The following LRRC3B variants were observed in gnomAD, a reference collection of about 807,000 sequenced individuals.
The protein encoded by LRRC3B is leucine-rich repeat-containing protein 3B.
A neutral mutation model predicts 12.8 loss-of-function variants in LRRC3B; 2 were observed. The ratio of observed to expected loss-of-function variants is 0.16; its 90% CI spans 0.06 to 0.49. LRRC3B has a LOEUF of 0.49. Among genes scored for constraint, LRRC3B ranks in the 20% least tolerant of loss-of-function variants. The pLI is 0.96. For synonymous variants in LRRC3B, 132 were observed against 122.0 expected, an observed-to-expected ratio of 1.08 and a Z score of -0.54; for missense variants, 189 against 319.4, an observed-to-expected ratio of 0.59 and a Z score of 3.11.
chr3:26,675,928 C>G (rs1361992575), intron 1 of LRRC3B, among the ~76,000 whole-genome samples: 1 of 150,166 alleles, frequency 6.7e-6, no homozygotes, highest in Non-Finnish European at 1.5e-5. Flanking sequence ...CTGACATCAT[C>G]CTTCATTCAT....
chr3:26,626,892 G>T (rs1586716), intron 1 of LRRC3B, among the ~76,000 whole-genome samples: 99,343 of 152,028 alleles, frequency 0.65, 34,449 homozygotes, highest in East Asian at 0.85. Flanking sequence ...TCATCCTTCT[G>T]CACTCCCAGG....
At chr3:26,677,770 T>G (rs1699890357) in intron 1 of LRRC3B, among the ~76,000 whole-genome samples, 1 of 148,266 alleles carries the variant, frequency 6.7e-6, no homozygotes, top group South Asian at 2.2e-4. Flanking sequence ...TAAATAGCCA[T>G]TTTTTTTCTG....
chr3:26,667,588 G>A (rs577037163), intron 1 of LRRC3B, among the ~76,000 whole-genome samples: 11 of 152,258 alleles, frequency 7.2e-5, no homozygotes, highest in South Asian at 4.1e-4. Flanking sequence ...GGCTGGTGAA[G>A]CTCCTGTCAT....
At chr3:26,698,096 C>T (rs1040684303) in intron 1 of LRRC3B, among the ~76,000 whole-genome samples, 1 of 152,094 alleles carries the variant, frequency 6.6e-6, no homozygotes, top group Non-Finnish European at 1.5e-5. Context: ...TCATAGCAGA[C>T]ATCAGTGTAA....
chr3:26,693,730 A>G (rs1700243433), intron 1 of LRRC3B, among the ~76,000 whole-genome samples: 1 of 152,374 alleles, frequency 6.6e-6, no homozygotes, highest in East Asian at 1.9e-4. Flanking sequence ...TGAATGACAA[A>G]GTTAGACAAA....
intron 1 of LRRC3B, among the ~76,000 whole-genome samples, chr3:26,699,302 G>T (rs891742945): frequency 7.9e-5 from 12 of 152,008 alleles, no homozygotes; most frequent in Non-Finnish European, 1.5e-4. Context: ...ATCTTTGAAT[G>T]GTCATTGACA....
rs143033678 is a variant in LRRC3B at position 26,639,350 on chromosome 3, A to G, written c.-161+16113A>G. ...ACTTACACCATGTTGCACTTTGGAC[A>G]CTAAATTTTCATTAGAAATACTTGA... is the stretch of plus-strand genomic sequence containing the variant. On this transcript the variant is annotated intron_variant, in intron 1 of 1. Coordinates refer to ENST00000396641, the Ensembl canonical transcript of LRRC3B. Among the ~76,000 whole-genome samples, 312 of 152,292 alleles carry G rather than the reference A, an allele frequency of 2.0e-3. 1 individual carries two copies. Among genetic ancestry groups the G allele is most frequent in the African/African-American group, 7.2e-3 (300 of 41,558 alleles).
At chr3:26,675,095 T>G (rs2125436190) in intron 1 of LRRC3B, among the ~76,000 whole-genome samples, 1 of 152,346 alleles carries the variant, frequency 6.6e-6, no homozygotes, top group Admixed American at 6.5e-5. Flanking sequence ...TTCCGTGTAC[T>G]TTAGTAGTAT....
At chr3:26,656,045 T>G (rs1281337092) in intron 1 of LRRC3B, among the ~76,000 whole-genome samples, 1 of 152,164 alleles carries the variant, frequency 6.6e-6, no homozygotes, top group Non-Finnish European at 1.5e-5. Flanking sequence ...TGCCTCCAAC[T>G]GACTATGCCT....
intron 1 of LRRC3B, among the ~76,000 whole-genome samples, chr3:26,625,931 T>G (rs1358945980): frequency 6.6e-6 from 1 of 152,204 alleles, no homozygotes; most frequent in East Asian, 1.9e-4. Flanking sequence ...CTTATTGACA[T>G]TCAGCCAGGA....
chr3:26,626,779 C>T (rs1178605577), intron 1 of LRRC3B, among the ~76,000 whole-genome samples: 3 of 152,028 alleles, frequency 2.0e-5, no homozygotes, highest in African/African-American at 7.3e-5. Context: ...TATTTGTAAG[C>T]CTTCAAATCA....
chr3:26,690,381 C>T (rs1700166106), intron 1 of LRRC3B, among the ~76,000 whole-genome samples: 1 of 152,092 alleles, frequency 6.6e-6, no homozygotes, highest in Admixed American at 6.5e-5. Context: ...CCATTTGGTT[C>T]ACCAAGAGAG....
exon 1 of LRRC3B, chr3:26,623,044 A>G (rs1698547085): frequency 6.6e-6 from 1 of 151,628 alleles, no homozygotes; most frequent in Admixed American, 6.6e-5. Context: ...GCCGCGCACC[A>G]ACGCCGCCGC....
intron 1 of LRRC3B, among the ~76,000 whole-genome samples, chr3:26,707,117 C>T (rs11916038): frequency 0.083 from 12,430 of 150,232 alleles, 1,708 homozygotes; most frequent in African/African-American, 0.29. Flanking sequence ...CTTTGGGAGG[C>T]GAGGCAGGTA....
intron 1 of LRRC3B, among the ~76,000 whole-genome samples, chr3:26,670,567 T>C (rs1438297918): frequency 1.3e-5 from 2 of 152,200 alleles, no homozygotes; most frequent in Non-Finnish European, 2.9e-5. Context: ...CCACATGCTC[T>C]ATAAAAATGT....
intron 1 of LRRC3B, among the ~76,000 whole-genome samples, chr3:26,699,739 A>G (rs1016221737): frequency 2.0e-5 from 3 of 152,176 alleles, no homozygotes; most frequent in Non-Finnish European, 2.9e-5. Flanking sequence ...AAGTTTGCAA[A>G]GCTCTCACGT....
intron 1 of LRRC3B, among the ~76,000 whole-genome samples, chr3:26,703,047 A>C (rs1036811029): frequency 1.3e-5 from 2 of 152,162 alleles, no homozygotes; most frequent in Non-Finnish European, 2.9e-5. Context: ...TGAATGAAGA[A>C]GTTATTATCT....
At chr3:26,644,532 C>T (rs549716194) in intron 1 of LRRC3B, among the ~76,000 whole-genome samples, 28 of 152,032 alleles carry the variant, frequency 1.8e-4, no homozygotes, top group African/African-American at 4.6e-4. Context: ...CTGGAATCTA[C>T]GAAAATGTCA....
chr3:26,635,550 G>A (rs1698850807), intron 1 of LRRC3B, among the ~76,000 whole-genome samples: 1 of 152,198 alleles, frequency 6.6e-6, no homozygotes, highest in Non-Finnish European at 1.5e-5. Context: ...ACAGTGAGAA[G>A]GCGGCTGTCT....
Sources: allele counts gnomAD v4.1 joint callset (sites outside exome capture counted in the v4.1 genomes callset), GRCh38; gene constraint gnomAD v4.1.1; transcripts MANE v1.5; gene names NCBI Gene and HGNC (gene_info 2026-07-23, HGNC 2026-07-21).